DAPK1: variants seen among roughly 807,000 people sequenced by gnomAD.
The protein encoded by DAPK1 is death associated protein kinase 1, also known as death-associated protein kinase 1.
A neutral mutation model predicts 144.9 loss-of-function variants in DAPK1; 56 were observed. The observed-to-expected ratio is 0.39, with a 90% CI of 0.31 to 0.48. The LOEUF (loss-of-function observed/expected upper bound fraction) is 0.48. Among genes scored for constraint, DAPK1 ranks in the 20% least tolerant of loss-of-function variants. The pLI, the probability that DAPK1 is intolerant of heterozygous loss-of-function variation, is 0.95. For synonymous variants in DAPK1, 690 were observed against 749.0 expected (o/e 0.92, Z 1.29); for missense variants, 1,454 against 1,875.4 (o/e 0.78, Z 4.15).
chr9:87,540,506 A>G (rs531428475), intron 2 of DAPK1, among the ~76,000 whole-genome samples: 3 of 152,218 alleles, frequency 2.0e-5, no homozygotes, highest in African/African-American at 7.2e-5. Context: ...TTAATCTCTT[A>G]CCATGTCTAA....
intron 3 of DAPK1, among the ~76,000 whole-genome samples, chr9:87,634,106 A>G (rs1829803196): frequency 6.6e-6 from 1 of 152,202 alleles, no homozygotes; most frequent in African/African-American, 2.4e-5. Flanking sequence ...TTTTTTAACT[A>G]AAGTTTTATT....
At chr9:87,578,940 A>C (rs1827654257) in intron 2 of DAPK1, among the ~76,000 whole-genome samples, 1 of 152,102 alleles carries the variant, frequency 6.6e-6, no homozygotes, top group Non-Finnish European at 1.5e-5. Context: ...CTTCATCTCT[A>C]ATGTTTTGTA....
At chr9:87,639,847 T>G in intron 7 of DAPK1, 32 bp downstream of exon 7, 1 of 1,608,360 alleles carries the variant, frequency 6.2e-7, no homozygotes, top group Non-Finnish European at 8.5e-7. Context: ...TCATACTCTC[T>G]TCTCTTCTAT....
chr9:87,642,731 T>G (rs1350558168), intron 10 of DAPK1, among the ~76,000 whole-genome samples: 1 of 152,166 alleles, frequency 6.6e-6, no homozygotes, highest in East Asian at 1.9e-4. Flanking sequence ...CTACCAATTT[T>G]GGGGTGCCGT....
chr9:87,648,652 C>T (rs924104886), intron 14 of DAPK1, 129 bp from the exon 15 acceptor site: 2 of 763,980 alleles, frequency 2.6e-6, no homozygotes, highest in African/African-American at 1.7e-5. Context: ...GGCATCTGCC[C>T]AAGGTGGGTG....
rs557531475 is a variant in DAPK1 at position 87,648,694 on chromosome 9, G to A, written c.1330-87G>A. 28 of 1,189,084 alleles carry A rather than the reference G, an allele frequency of 2.4e-5. No individual in the cohort carries two copies. The East Asian group carries it at 6.3e-4, about 27-fold the overall frequency. The allele number at this position is 1,189,084 out of a possible 1,614,324, so 73.7% of individuals were successfully genotyped here. A position where few individuals can be genotyped will look rare whatever the true frequency, so the allele number is the denominator to read the frequency against. On this transcript the variant is annotated intron_variant, in intron 14 of 25. Coordinates refer to ENST00000408954, the MANE Select transcript of DAPK1 (RefSeq NM_004938.4). ...ACCAAAGGGGACAGAGTGGAACCAG[G>A]CAGGCCTGGGTGTAGGCCTTGGGTT...
intron 19 of DAPK1, among the ~76,000 whole-genome samples, chr9:87,672,305 G>A (rs931006976): frequency 6.6e-6 from 1 of 152,170 alleles, no homozygotes; most frequent in African/African-American, 2.4e-5. Flanking sequence ...CACACAGTTT[G>A]TAAAGGTTTA....
chr9:87,652,534 C>T (rs1473284906), intron 17 of DAPK1, among the ~76,000 whole-genome samples: 6 of 129,738 alleles, frequency 4.6e-5, no homozygotes, highest in African/African-American at 2.9e-5. Context: ...TCCATGCCCC[C>T]GATCCTGGGT....
At chr9:87,595,841 T>A (rs1828296232) in intron 2 of DAPK1, among the ~76,000 whole-genome samples, 1 of 152,206 alleles carries the variant, frequency 6.6e-6, no homozygotes, top group African/African-American at 2.4e-5. Flanking sequence ...ATCCCCTCAG[T>A]AAACTCTGCT....
At chr9:87,517,664 A>G (rs374139039) in intron 2 of DAPK1, among the ~76,000 whole-genome samples, 1 of 152,152 alleles carries the variant, frequency 6.6e-6, no homozygotes, top group Non-Finnish European at 1.5e-5. Flanking sequence ...GTTCCTTAAG[A>G]TGCATAGTGT....
At position 87,697,075 on chromosome 9, in the gene DAPK1, G is replaced by A; in HGVS notation, c.2482G>A (p.Ala828Thr). 2 of 1,583,104 alleles carry A rather than the reference G, an allele frequency of 1.3e-6. No individual in the cohort carries two copies. The highest frequency in any genetic ancestry group is 1.7e-4 in the Middle Eastern group (1 of 6,000). ...PVYFCCYDYF[A>T]ANDPTSIHVV... ...GTATTTCTGCTGTTATGACTATTTT[G>A]CTGCAAATGATCCCACGTCAATCCA... Residue 828 changes from alanine to threonine, a missense_variant, in exon 22 of 26, where the codon GCT becomes ACT. By Grantham distance (58) the Ala-to-Thr change is moderately conservative. Coordinates refer to ENST00000408954, the MANE Select transcript of DAPK1 (RefSeq NM_004938.4).
chr9:87,580,953 G>A (rs538648598), intron 2 of DAPK1, among the ~76,000 whole-genome samples: 2 of 152,144 alleles, frequency 1.3e-5, no homozygotes, highest in Admixed American at 6.5e-5. Context: ...TGACACTACC[G>A]TGAAATGTAA....
At chr9:87,604,478 T>C (rs1828642793) in intron 2 of DAPK1, among the ~76,000 whole-genome samples, 1 of 152,230 alleles carries the variant, frequency 6.6e-6, no homozygotes, top group South Asian at 2.1e-4. Flanking sequence ...TAGACCTTTT[T>C]CTGTTCTGTG....
intron 25 of DAPK1, among the ~76,000 whole-genome samples, chr9:87,704,139 T>G (rs1825552649): frequency 6.6e-6 from 1 of 152,088 alleles, no homozygotes; most frequent in African/African-American, 2.4e-5. Context: ...GCCTTTAAAC[T>G]CCCAGTTAAA....
chr9:87,650,017 C>A lies in DAPK1; in HGVS notation c.1525C>A (p.Arg509=), dbSNP rs202015930. Reference sequence around the variant, plus strand: ...CGGCTGTAACGTGAACATCAAGAACCGAGAAGGAGAGACGCCCCTCCTGAC... The same window carrying A: ...CGGCTGTAACGTGAACATCAAGAACAGAGAAGGAGAGACGCCCCTCCTGAC... ...EAGCNVNIKN[R]EGETPLLTAS... The change falls in exon 16 of 26, where the codon CGA becomes AGA. Residue 509 remains arginine, a synonymous_variant. Coordinates refer to ENST00000408954, the MANE Select transcript of DAPK1 (RefSeq NM_004938.4). The A allele has an allele frequency of 1.9e-6, 3 of 1,614,154 alleles. No homozygotes were observed. The highest frequency in any genetic ancestry group is 3.3e-5 in the Admixed American group (2 of 60,018).
rs150315430 is a variant in DAPK1, at chr9:87,647,187, G to C, written c.1231-118G>C. ...AATGAGGGTTTTATTCCTCTGGGAA[G>C]TTGCTCCTCTGGGGTTTGTCATCAC... On this transcript the variant is annotated intron_variant, in intron 13 of 25. Coordinates refer to ENST00000408954, the MANE Select transcript of DAPK1 (RefSeq NM_004938.4). 3,946 of 796,878 alleles carry C rather than the reference G, an allele frequency of 5.0e-3. 23 individuals are homozygous for C. The highest frequency in any genetic ancestry group is 9.3e-3 in the South Asian group (635 of 68,400). The allele number at this position is 796,878 out of a possible 1,614,324, so 49.4% of individuals were successfully genotyped here.
chr9:87,641,848 T>G (rs1830107893), intron 9 of DAPK1, 121 bp from the exon 10 acceptor site: 1 of 733,648 alleles, frequency 1.4e-6, no homozygotes, highest in African/African-American at 1.8e-5. Context: ...CAACTTCTTA[T>G]GCTAATTTAA....
intron 2 of DAPK1, among the ~76,000 whole-genome samples, chr9:87,563,790 G>C (rs7869310): frequency 0.033 from 4,957 of 152,222 alleles, 269 homozygotes; most frequent in African/African-American, 0.11. Flanking sequence ...AGGAGGAGAT[G>C]ACCTGCCCAG....
At chr9:87,519,260 C>T (rs1352785450) in intron 2 of DAPK1, among the ~76,000 whole-genome samples, 1 of 152,266 alleles carries the variant, frequency 6.6e-6, no homozygotes, top group Non-Finnish European at 1.5e-5. Context: ...CTTCATTCCT[C>T]TTCTCAGGTT....
Sources: gnomAD v4.1 joint callset for allele counts (sites outside exome capture counted in the v4.1 genomes callset) on GRCh38, gnomAD v4.1.1 for gene constraint, MANE v1.5 for transcripts, NCBI Gene and HGNC (gene_info 2026-07-23, HGNC 2026-07-21) for gene names.